NCALD: variants seen among roughly 807,000 people sequenced by gnomAD.
NCALD encodes the protein neurocalcin delta, also known as neurocalcin-delta.
In NCALD, 10 loss-of-function variants were observed where a neutral mutation model predicts 18.6. The ratio of observed to expected loss-of-function variants is 0.54; its 90% CI spans 0.33 to 0.91. The LOEUF is 0.91. Ranked by LOEUF, NCALD falls within the 40% of genes least tolerant of loss-of-function variation. The pLI is 0.03. For synonymous variants in NCALD, 88 were observed against 87.4 expected, an observed-to-expected ratio of 1.01 and a Z score of -0.04; for missense variants, 184 against 247.6, an observed-to-expected ratio of 0.74 and a Z score of 1.72.
intron 1 of NCALD, among the ~76,000 whole-genome samples, chr8:101,758,461 T>G (rs572750826): frequency 6.6e-6 from 1 of 152,252 alleles, no homozygotes; most frequent in East Asian, 1.9e-4. Context: ...TTGAGCACTT[T>G]ATATAACACT....
chr8:101,909,300 C>G (rs1441338895), intron 3 of NCALD, among the ~76,000 whole-genome samples: 2 of 152,194 alleles, frequency 1.3e-5, no homozygotes, highest in Non-Finnish European at 2.9e-5. Context: ...TTCAGCACTC[C>G]TCAGCAGGTT....
chr8:101,719,458 A>G lies in NCALD; in HGVS notation c.172T>C (p.Tyr58His). 6.2e-7 allele frequency: 1 copy of G among 1,614,212 alleles called. No homozygotes were observed. Residue 58 changes from tyrosine (Y) to histidine (H), a missense_variant, in exon 2 of 4, where the codon TAT becomes CAT. Tyr to His is a moderately conservative substitution (Grantham distance 83, BLOSUM62 2). Coordinates refer to ENST00000220931, the MANE Select transcript of NCALD (RefSeq NM_032041.3). ...TCTGCAAATTTGGAAGCATCCCCAT[A>G]AGGGAAAAAGTTCCCATATATTTTC... ...FKKIYGNFFP[Y>H]GDASKFAEHV...
At chr8:102,117,555 G>T (rs1437355687) in intron 1 of NCALD, among the ~76,000 whole-genome samples, 1 of 149,976 alleles carries the variant, frequency 6.7e-6, no homozygotes, top group Non-Finnish European at 1.5e-5. Context: ...GCAGCCCAAG[G>T]TCTCACTAAT....
chr8:101,910,768 A>G (rs1006456106), intron 3 of NCALD, among the ~76,000 whole-genome samples: 4 of 152,218 alleles, frequency 2.6e-5, no homozygotes, highest in African/African-American at 9.6e-5. Context: ...CATGGCAAAT[A>G]TATCTGATAA....
At chr8:101,736,000 C>T (rs908203165) in intron 1 of NCALD, among the ~76,000 whole-genome samples, 1 of 152,158 alleles carries the variant, frequency 6.6e-6, no homozygotes, top group East Asian at 1.9e-4. Flanking sequence ...CGTTCCTCTT[C>T]CTCCTTGTGC....
chr8:101,727,939 G>T (rs1478370276), intron 1 of NCALD, among the ~76,000 whole-genome samples: 1 of 152,174 alleles, frequency 6.6e-6, no homozygotes, highest in Admixed American at 6.5e-5. Context: ...CTGTTATTCA[G>T]TAGTTTACAC....
intron 1 of NCALD, among the ~76,000 whole-genome samples, chr8:101,780,997 AAG>A (rs937055674): frequency 7.2e-5 from 11 of 152,284 alleles, no homozygotes; most frequent in African/African-American, 2.4e-4. Context: ...TCTGAGGAGA[AAG>A]AGAGTTCTAT....
chr8:101,932,162 GTCCAGGGCATGTTCTGTCTTTCAGCC>G (rs1271470116), intron 2 of NCALD, among the ~76,000 whole-genome samples: 1 of 151,652 alleles, frequency 6.6e-6, no homozygotes, highest in African/African-American at 2.4e-5. Context: ...TGCCAGTTGT[GTCCAGGGCATGTTCTGTCTTTCAGCC>G]TCCAGGCCCC....
chr8:101,868,457 A>C (rs1815868741), intron 4 of NCALD, among the ~76,000 whole-genome samples: 1 of 152,094 alleles, frequency 6.6e-6, no homozygotes, highest in Admixed American at 6.5e-5. Flanking sequence ...GGAAAACCCC[A>C]ACTTGTCACA....
At chr8:101,742,563 C>A (rs1810250153) in intron 1 of NCALD, among the ~76,000 whole-genome samples, 1 of 152,122 alleles carries the variant, frequency 6.6e-6, no homozygotes, top group Admixed American at 6.5e-5. Context: ...AGAATTAACA[C>A]AACAGTGATC....
At chr8:102,026,771 C>G (rs1586944061) in intron 1 of NCALD, among the ~76,000 whole-genome samples, 1 of 152,238 alleles carries the variant, frequency 6.6e-6, no homozygotes, top group African/African-American at 2.4e-5. Context: ...TTCTGCACTG[C>G]CCTAACAAAG....
upstream of NCALD, among the ~76,000 whole-genome samples, chr8:101,794,493 A>G (rs1483017671): frequency 6.6e-6 from 1 of 152,240 alleles, no homozygotes; most frequent in Admixed American, 6.5e-5. Flanking sequence ...GATGGCTCCA[A>G]GTAAATCAAA....
intron 2 of NCALD, among the ~76,000 whole-genome samples, chr8:102,005,088 C>T (rs1240909402): frequency 6.6e-6 from 1 of 152,162 alleles, no homozygotes; most frequent in Non-Finnish European, 1.5e-5. Context: ...TCAGAGTGAA[C>T]AGGCAACCTA....
intron 1 of NCALD, among the ~76,000 whole-genome samples, chr8:102,050,164 G>A (rs185722388): frequency 0.24 from 4,936 of 20,720 alleles, 243 homozygotes; most frequent in African/African-American, 0.36. Flanking sequence ...GCGAGACTCC[G>A]TCTCAAAAAA....
At chr8:102,108,384 G>A (rs1488100447) in intron 1 of NCALD, among the ~76,000 whole-genome samples, 3 of 152,182 alleles carry the variant, frequency 2.0e-5, no homozygotes, top group East Asian at 3.9e-4. Flanking sequence ...TTTAGAAACA[G>A]AGGACACTGA....
chr8:101,851,631 A>G (rs13272858), intron 4 of NCALD, among the ~76,000 whole-genome samples: 1 of 152,196 alleles, frequency 6.6e-6, no homozygotes, highest in Admixed American at 6.5e-5. Context: ...CAGCTACTCC[A>G]TACCTGCCTT....
At chr8:101,746,451 CAT>C (rs61472519) in intron 1 of NCALD, among the ~76,000 whole-genome samples, 17,505 of 150,760 alleles carry the variant, frequency 0.12, 2,554 homozygotes, top group African/African-American at 0.35. Flanking sequence ...GGTTATGATA[CAT>C]ATATATATAT....
At chr8:101,985,666 A>T (rs897735807) in intron 2 of NCALD, among the ~76,000 whole-genome samples, 9 of 152,200 alleles carry the variant, frequency 5.9e-5, no homozygotes, top group Non-Finnish European at 1.0e-4. Flanking sequence ...GATGAACATT[A>T]ATGTTGCTGG....
At chr8:101,886,618 G>C (rs756586962) in intron 4 of NCALD, among the ~76,000 whole-genome samples, 1 of 152,132 alleles carries the variant, frequency 6.6e-6, no homozygotes, top group African/African-American at 2.4e-5. Context: ...AAGTAATAAT[G>C]TTCCTATTCT....
Sources: gnomAD v4.1 joint callset for allele counts (sites outside exome capture counted in the v4.1 genomes callset) on GRCh38, gnomAD v4.1.1 for gene constraint, MANE v1.5 for transcripts, NCBI Gene and HGNC (gene_info 2026-07-23, HGNC 2026-07-21) for gene names.